Variants in MID1 observed in about 807,000 individuals in gnomAD.
The protein encoded by MID1 is midline 1, also known as E3 ubiquitin-protein ligase Midline-1.
MID1 carries 7 observed loss-of-function variants against 40.4 expected under a neutral mutation model. The ratio of observed to expected loss-of-function variants is 0.17; its 90% CI spans 0.10 to 0.33. The LOEUF is 0.33. MID1 is among the 10% of genes least tolerant of loss of function. MID1 has a pLI of 1.00. For synonymous variants in MID1, 229 were observed against 221.2 expected, an observed-to-expected ratio of 1.04 and a Z score of -0.31; for missense variants, 367 against 558.5, an observed-to-expected ratio of 0.66 and a Z score of 3.46.
intron 1 of MID1, among the ~76,000 whole-genome samples, chrX:10,610,036 A>G (rs1935708877): frequency 8.9e-6 from 1 of 111,991 alleles, no homozygotes; most frequent in Non-Finnish European, 1.9e-5. Context: ...GTTTTTCTAA[A>G]CAGAGGATAT....
chrX:10,524,616 A>G (rs1932795661), intron 2 of MID1, among the ~76,000 whole-genome samples: 1 of 112,386 alleles, frequency 8.9e-6, no homozygotes, highest in African/African-American at 3.2e-5. Flanking sequence ...AGCTTCTACA[A>G]TATGCCAGAC....
chrX:10,816,232 C>G (rs1463356641), intron 1 of MID1, among the ~76,000 whole-genome samples: 1 of 111,879 alleles, frequency 8.9e-6, no homozygotes, highest in Admixed American at 9.5e-5. Context: ...CCCTTTCTGT[C>G]AATTACACAG....
intron 1 of MID1, among the ~76,000 whole-genome samples, chrX:10,743,950 T>C (rs920922966): frequency 8.9e-6 from 1 of 111,824 alleles, no homozygotes; most frequent in African/African-American, 3.3e-5. Flanking sequence ...GTCAATTTTC[T>C]GGTTTCCATG....
At chrX:10,561,982 A>G (rs1299092545) in intron 2 of MID1, among the ~76,000 whole-genome samples, 1 of 107,271 alleles carries the variant, frequency 9.3e-6, no homozygotes, top group Non-Finnish European at 1.9e-5. Context: ...AATGCCCACC[A>G]ATGATAGACT....
At chrX:10,833,111 G>T (rs751355555) in intron 1 of MID1, among the ~76,000 whole-genome samples, 2 of 112,256 alleles carry the variant, frequency 1.8e-5, no homozygotes, top group East Asian at 5.6e-4. Flanking sequence ...AATGAAAAAT[G>T]ATACCTTCAG....
At chrX:10,784,292 G>A (rs1052840056) in intron 1 of MID1, among the ~76,000 whole-genome samples, 12 of 111,226 alleles carry the variant, frequency 1.1e-4, no homozygotes, top group African/African-American at 3.9e-4. Flanking sequence ...AATGGGAAAC[G>A]TATGTTACTT....
chrX:10,636,250 T>C (rs1469829929), intron 1 of MID1, among the ~76,000 whole-genome samples: 1 of 112,013 alleles, frequency 8.9e-6, no homozygotes, highest in Non-Finnish European at 1.9e-5. Context: ...AATTAGCCAG[T>C]GCCAGTAAGA....
At chrX:10,536,027 C>T (rs746259121) in intron 2 of MID1, among the ~76,000 whole-genome samples, 1 of 107,962 alleles carries the variant, frequency 9.3e-6, no homozygotes, top group South Asian at 4.1e-4. Context: ...TGAGACCAGC[C>T]TGGGCAACAT....
chrX:10,636,785 G>GACATATATATATATATATAT (rs757390504), intron 1 of MID1, among the ~76,000 whole-genome samples: 4 of 42,708 alleles, frequency 9.4e-5, no homozygotes, highest in Non-Finnish European at 1.2e-4. Flanking sequence ...CAACAATGGG[G>GACATATATATATATATATAT]ATATATATAT....
intron 3 of MID1, among the ~76,000 whole-genome samples, chrX:10,510,830 C>CAAAAAAAAAAAAAAAAA (rs1185825614): frequency 3.8e-4 from 9 of 23,946 alleles, no homozygotes; most frequent in African/African-American, 1.2e-3. Flanking sequence ...GACTCTGTCT[C>CAAAAAAAAAAAAAAAAA]AAAAAAAAAA....
intron 5 of MID1, chrX:10,475,132 CTGTT>C (rs1419735489): frequency 1.8e-5 from 6 of 333,765 alleles, no homozygotes; most frequent in Non-Finnish European, 3.5e-5. Flanking sequence ...GTCTGGGAAA[CTGTT>C]TGTTCCTTTC....
chrX:10,687,546 C>G (rs1456148545), intron 1 of MID1, among the ~76,000 whole-genome samples: 2 of 112,358 alleles, frequency 1.8e-5, no homozygotes, highest in Non-Finnish European at 3.8e-5. Context: ...TTAGCATATA[C>G]AGTAGATGTG....
At chrX:10,619,102 C>A (rs1026263761) in intron 1 of MID1, among the ~76,000 whole-genome samples, 1 of 111,857 alleles carries the variant, frequency 8.9e-6, no homozygotes, top group East Asian at 2.8e-4. Flanking sequence ...ACTTGCCAAG[C>A]CTGCTTGCTG....
At chrX:10,609,065 A>G (rs1935678865) in intron 1 of MID1, among the ~76,000 whole-genome samples, 1 of 111,975 alleles carries the variant, frequency 8.9e-6, no homozygotes, top group Admixed American at 9.5e-5. Context: ...TTAGCATATT[A>G]GGATAATTTG....
In MID1 at chrX:10,657,711, T is replaced by G. The variant is rs1031516471; in HGVS notation, c.-186-37292A>C. Among the ~76,000 whole-genome samples the G allele has an allele frequency of 3.0e-4, 34 of 112,475 alleles. No homozygotes were observed. In the Admixed American group the frequency reaches 3.2e-3, roughly 11 times the overall value. ...ACTATTTAAACATTATTTTACAGATTTTTATGGGAGAATGATACTCTGATA... is the reference window on the plus strand; with the variant it reads ...ACTATTTAAACATTATTTTACAGATGTTTATGGGAGAATGATACTCTGATA... On this transcript the variant is annotated intron_variant, in intron 1 of 10. Coordinates refer to the MID1 transcript ENST00000380785.
intron 7 of MID1, chrX:10,460,024 A>ATAAC (rs1341387164): frequency 3.8e-5 from 17 of 445,107 alleles, no homozygotes; most frequent in Admixed American, 2.5e-4. Flanking sequence ...CCAGGCCCAA[A>ATAAC]TAACTTTGCA....
intron 3 of MID1, among the ~76,000 whole-genome samples, chrX:10,504,173 G>C (rs1931702080): frequency 9.0e-6 from 1 of 111,634 alleles, no homozygotes. Context: ...TTGCTTACTA[G>C]TTGTATGTTA....
chrX:10,685,874 T>TCACACA (rs1394966596), intron 1 of MID1, among the ~76,000 whole-genome samples: 521 of 30,030 alleles, frequency 0.017, 8 homozygotes, highest in African/African-American at 0.077. Context: ...CCCCACATAC[T>TCACACA]CATACACACA....
chrX:10,569,182 C>T (rs2147472685), intron 1 of MID1, among the ~76,000 whole-genome samples: 1 of 112,310 alleles, frequency 8.9e-6, no homozygotes, highest in African/African-American at 3.2e-5. Flanking sequence ...AATTAATGCT[C>T]ATCTTGCTAC....
Sources: gnomAD v4.1 joint callset for allele counts (sites outside exome capture counted in the v4.1 genomes callset) on GRCh38, gnomAD v4.1.1 for gene constraint, MANE v1.5 for transcripts, NCBI Gene and HGNC (gene_info 2026-07-23, HGNC 2026-07-21) for gene names.